IGF1R: variants seen among roughly 807,000 people sequenced by gnomAD.
IGF1R encodes the protein insulin-like growth factor 1 receptor.
Under a neutral mutation model 144.6 loss-of-function variants are expected in IGF1R, and 44 were observed. The observed-to-expected ratio is 0.30, with a 90% CI of 0.24 to 0.39. IGF1R has a LOEUF of 0.39. IGF1R is among the 10% of genes least tolerant of loss of function. The pLI is 1.00. For missense variants in IGF1R, 1,355 were observed against 1,833.7 expected (o/e 0.74, Z 4.77); for synonymous variants, 795 against 722.8 (o/e 1.10, Z -1.60).
In IGF1R at chr15:98,959,205, A is replaced by T. The variant is rs566846860; in HGVS notation, c.*1763A>T. The T allele has an allele frequency of 5.6e-4, 130 of 233,326 alleles. No individual in the cohort carries two copies. The highest frequency in any genetic ancestry group is 7.6e-4 in the Non-Finnish European group (90 of 117,882). The allele number at this position is 233,326 out of a possible 1,614,324, so 14.5% of individuals were successfully genotyped here. A position where few individuals can be genotyped will look rare whatever the true frequency, so the allele number is the denominator to read the frequency against. On this transcript the variant is annotated 3_prime_UTR_variant, in exon 21 of 21. Transcript: ENST00000650285. ...TAGGTTGTGACACACATATATATATATTTTTTTAATTCTTGGGTACAACAG... is the reference window on the plus strand; with the variant it reads ...TAGGTTGTGACACACATATATATATTTTTTTTTAATTCTTGGGTACAACAG...
At chr15:98,853,665 T>G (rs1028066956) in intron 2 of IGF1R, among the ~76,000 whole-genome samples, 24 of 152,206 alleles carry the variant, frequency 1.6e-4, no homozygotes, top group Non-Finnish European at 4.4e-5. Flanking sequence ...GCCTCCCTCC[T>G]GCGATTCTGA....
intron 10 of IGF1R, among the ~76,000 whole-genome samples, chr15:98,919,198 G>A (rs1320310760): frequency 6.6e-6 from 1 of 152,158 alleles, no homozygotes; most frequent in Admixed American, 6.5e-5. Flanking sequence ...CCCACACACC[G>A]ACTCTTTTCC....
intron 5 of IGF1R, among the ~76,000 whole-genome samples, chr15:98,902,187 G>C (rs1346775626): frequency 6.6e-6 from 1 of 152,062 alleles, no homozygotes; most frequent in Non-Finnish European, 1.5e-5. Flanking sequence ...AATTCAATAG[G>C]AGCGTTTGGG....
At chr15:98,699,985 C>A (rs929376374) in intron 1 of IGF1R, among the ~76,000 whole-genome samples, 1 of 152,126 alleles carries the variant, frequency 6.6e-6, no homozygotes, top group Non-Finnish European at 1.5e-5. Context: ...ATATATACAA[C>A]GTAAACATGT....
Position 98,707,415 on chromosome 15 carries a change from C to A in IGF1R, c.95-147C>A. The A allele has an allele frequency of 3.5e-6, 3 of 849,986 alleles. No individual in the cohort carries two copies. Among genetic ancestry groups the A allele is most frequent in the South Asian group, 1.5e-5 (1 of 66,178 alleles). The allele number at this position is 849,986 out of a possible 1,614,324, so 52.7% of individuals were successfully genotyped here. A position where few individuals can be genotyped will look rare whatever the true frequency, so the allele number is the denominator to read the frequency against. On this transcript the variant is annotated intron_variant, in intron 1 of 20. Transcript: ENST00000650285. The surrounding 1 kb of genome is among the most constrained non-coding windows in gnomAD (Gnocchi z 6.7). ...GTTAGCCACCTAAACTGTCAGTCTG[C>A]AACCCACAGCTCTGCAGTGAACAAT... is the stretch of plus-strand genomic sequence containing the variant.
chr15:98,877,346 G>C (rs2013109007), intron 2 of IGF1R, among the ~76,000 whole-genome samples: 1 of 152,172 alleles, frequency 6.6e-6, no homozygotes, highest in African/African-American at 2.4e-5. Flanking sequence ...AGGACACGAA[G>C]AGAAGTTAAC....
intron 2 of IGF1R, among the ~76,000 whole-genome samples, chr15:98,741,222 T>C (rs1171367189): frequency 6.7e-6 from 1 of 150,054 alleles, no homozygotes; most frequent in African/African-American, 2.5e-5. Context: ...TGGCTTTATA[T>C]AGTTTTCCTG....
At chr15:98,936,569 C>T (rs1013477689) in intron 17 of IGF1R, among the ~76,000 whole-genome samples, 5 of 151,176 alleles carry the variant, frequency 3.3e-5, no homozygotes, top group African/African-American at 1.2e-4. Flanking sequence ...ACTTCCCCTT[C>T]TCGGCCCCTT....
chr15:98,859,960 G>A (rs2012054646), intron 2 of IGF1R, among the ~76,000 whole-genome samples: 1 of 152,194 alleles, frequency 6.6e-6, no homozygotes, highest in South Asian at 2.1e-4. Flanking sequence ...CTGTCACCCA[G>A]GCTGGAGTGC....
In IGF1R at chr15:98,787,799, A is replaced by G. The variant is rs1193421572; in HGVS notation, c.640+79692A>G. 2.6e-5 allele frequency among the ~76,000 whole-genome samples: 4 copies of G among 152,348 alleles called. No homozygotes were observed. In the South Asian group the frequency reaches 8.3e-4, roughly 32 times the overall value. On this transcript the variant is annotated intron_variant, in intron 2 of 20. Transcript: ENST00000650285. Reference sequence around the variant, plus strand: ...TCAGAAGGAAAGAATTGGAACACTCAGCTGGAGGTGTCTGGTAGGGACATG... The same window carrying G: ...TCAGAAGGAAAGAATTGGAACACTCGGCTGGAGGTGTCTGGTAGGGACATG...
chr15:98,939,241 T>C lies in IGF1R; in HGVS notation c.3338T>C (p.Ile1113Thr). The C allele has an allele frequency of 6.2e-7, 1 of 1,614,050 alleles. No individual in the cohort carries two copies. The highest frequency in any genetic ancestry group is 8.5e-7 in the Non-Finnish European group (1 of 1,179,920). Residue 1113 changes from isoleucine (I) to threonine (T), a missense_variant, in exon 18 of 21, where the codon ATT becomes ACT. Physicochemically the swap from Ile to Thr is moderately conservative, Grantham distance 89. Around this residue, in one of 7 missense-constraint regions of IGF1R, gnomAD observed 45 missense variants for 43.5 expected, o/e 1.03. Transcript: ENST00000650285. ...GCACCTCCAAGCCTGAGCAAGATGA[T>C]TCAGATGGCCGGAGAGATTGCAGAC... ...VLAPPSLSKM[I>T]QMAGEIADGM...
chr15:98,825,440 A>G (rs1024948130), intron 2 of IGF1R, among the ~76,000 whole-genome samples: 1 of 152,202 alleles, frequency 6.6e-6, no homozygotes, highest in Non-Finnish European at 1.5e-5. Context: ...CCTGTTAGGA[A>G]CCAGGCTGCA....
intron 2 of IGF1R, among the ~76,000 whole-genome samples, chr15:98,829,007 A>G (rs1482164531): frequency 6.6e-6 from 1 of 152,156 alleles, no homozygotes; most frequent in Admixed American, 6.5e-5. Context: ...CTAATTGCAC[A>G]TTATTCTAAT....
At chr15:98,796,621 T>C (rs769895546) in intron 2 of IGF1R, among the ~76,000 whole-genome samples, 5 of 152,220 alleles carry the variant, frequency 3.3e-5, no homozygotes, top group African/African-American at 9.6e-5. Context: ...TGATGGGGTC[T>C]CCTGACTAGT....
intron 2 of IGF1R, among the ~76,000 whole-genome samples, chr15:98,810,826 G>A (rs1470288419): frequency 2.0e-5 from 3 of 151,980 alleles, no homozygotes; most frequent in Non-Finnish European, 2.9e-5. Flanking sequence ...GGGATTACAG[G>A]CGTGAGCCAC....
At chr15:98,664,482 T>G (rs909220445) in intron 1 of IGF1R, among the ~76,000 whole-genome samples, 4 of 151,996 alleles carry the variant, frequency 2.6e-5, no homozygotes, top group Admixed American at 6.6e-5. Context: ...CTGGCTAACA[T>G]GGTGAAACCC....
At chr15:98,874,336 CTGTT>C (rs1225146025) in intron 2 of IGF1R, among the ~76,000 whole-genome samples, 1 of 152,064 alleles carries the variant, frequency 6.6e-6, no homozygotes, top group African/African-American at 2.4e-5. Context: ...TAGCAGAAGT[CTGTT>C]TGGCAGGGTG....
intron 2 of IGF1R, among the ~76,000 whole-genome samples, chr15:98,809,427 T>C (rs2056537843): frequency 2.0e-5 from 3 of 152,158 alleles, no homozygotes; most frequent in Admixed American, 2.0e-4. Flanking sequence ...TTCTGCAGCC[T>C]CCCAAGTTCC....
intron 20 of IGF1R, chr15:98,952,711 C>A (rs994748219): frequency 1.5e-4 from 23 of 152,146 alleles, no homozygotes; most frequent in African/African-American, 5.3e-4. Flanking sequence ...TGTAAACTGC[C>A]TGGGACGCAG....
Sources: allele counts gnomAD v4.1 joint callset (sites outside exome capture counted in the v4.1 genomes callset), GRCh38; gene constraint gnomAD v4.1.1; regional missense constraint gnomAD v4.1.1; non-coding constraint Gnocchi (gnomAD v3.1); transcripts MANE v1.5; gene names NCBI Gene and HGNC (gene_info 2026-07-23, HGNC 2026-07-21).